The following MVD variants were observed in gnomAD, a reference collection of about 807,000 sequenced individuals.
MVD encodes the protein mevalonate diphosphate decarboxylase, also known as diphosphomevalonate decarboxylase.
A neutral mutation model predicts 42.4 loss-of-function variants in MVD; 52 were observed. The ratio of observed to expected loss-of-function variants is 1.23; its 90% CI spans 0.98 to 1.55. The LOEUF (loss-of-function observed/expected upper bound fraction) is 1.55. Among genes scored for constraint, MVD ranks in the 40% most tolerant of loss-of-function variants. The pLI is 0.00. For missense variants in MVD, 663 were observed against 572.1 expected (o/e 1.16, Z -1.62); for synonymous variants, 287 against 243.2 (o/e 1.18, Z -1.68).
chr16:88,661,287 G>A lies in MVD; in HGVS notation c.70+1724C>T, dbSNP rs537146301. Among the ~76,000 whole-genome samples the A allele has an allele frequency of 9.9e-5, 15 of 152,272 alleles. No individual in the cohort carries two copies. In the South Asian group the frequency reaches 2.7e-3, roughly 27 times the overall value. The stretch of plus-strand genomic sequence containing the variant: ...TTGATACACTGAACTTCTTTAAAAT[G>A]AAAAACTGGCTCTTTGTTAAGAGGA... On this transcript the variant is annotated intron_variant, in intron 1 of 9. Coordinates refer to ENST00000301012, the MANE Select transcript of MVD (RefSeq NM_002461.3).
intron 1 of MVD, 84 bp from the exon 2 acceptor site, chr16:88,658,804 C>A (rs2142907133): frequency 4.2e-6 from 4 of 951,186 alleles, no homozygotes; most frequent in Non-Finnish European, 6.0e-6. Context: ...CCACCCCCCA[C>A]CCACGGCCCC....
intron 4 of MVD, chr16:88,657,223 G>A (rs1567616010): frequency 1.3e-6 from 1 of 756,908 alleles, no homozygotes; most frequent in South Asian, 1.5e-5. Flanking sequence ...TGGGATTACA[G>A]GCGAGAGCCC....
chr16:88,657,721 A>T (rs910165702), intron 3 of MVD, 139 bp from the exon 4 acceptor site: 2 of 1,367,438 alleles, frequency 1.5e-6, no homozygotes, highest in Non-Finnish European at 2.0e-6. Context: ...TACCCGGGAA[A>T]ACCCCAGACT....
At position 88,655,658 on chromosome 16, in the gene MVD, G is replaced by C. The variant is rs769646021; in HGVS notation, c.676C>G (p.Arg226Gly). ...GGACCACCCGCTCCTGGCCTTACCC[G>C]AAGCAGGGGGCTGGTCTCCACACTG... ...RASVETSPLL[R>G]FRAESVVPAR... Residue 226 changes from arginine to glycine, a missense_variant and splice_region_variant, in exon 6 of 10, where the codon CGG becomes GGG. Arg to Gly is a moderately radical substitution (Grantham distance 125). Transcript: ENST00000301012. 1.9e-6 allele frequency: 3 copies of C among 1,553,000 alleles called. No homozygotes were observed. The highest frequency in any genetic ancestry group is 3.9e-5 in the Admixed American group (2 of 51,800).
intron 1 of MVD, among the ~76,000 whole-genome samples, chr16:88,660,016 C>T (rs1908191759): frequency 6.6e-6 from 1 of 151,864 alleles, no homozygotes; most frequent in Non-Finnish European, 1.5e-5. Flanking sequence ...AAACAGATCC[C>T]TCCCACACTC....
intron 1 of MVD, 179 bp downstream of exon 1, chr16:88,662,832 C>G (rs1195736267): frequency 1.2e-5 from 17 of 1,443,192 alleles, no homozygotes; most frequent in Non-Finnish European, 1.2e-5. Flanking sequence ...GAGCTTGTCA[C>G]GCGAAGGAGC....
intron 7 of MVD, 107 bp from the exon 8 acceptor site, chr16:88,654,914 G>T: frequency 1.8e-6 from 2 of 1,091,910 alleles, no homozygotes; most frequent in Non-Finnish European, 2.6e-6. Flanking sequence ...GCTCAGTCTA[G>T]GCCCTCAGGG....
intron 8 of MVD, 59 bp from the exon 9 acceptor site, chr16:88,653,467 G>A: frequency 7.1e-7 from 1 of 1,412,312 alleles, no homozygotes; most frequent in Non-Finnish European, 9.6e-7. Flanking sequence ...GTCTACAACA[G>A]TCTACAACAG....
chr16:88,659,186 C>T (rs186539569), intron 1 of MVD: 227 of 188,216 alleles, frequency 1.2e-3, no homozygotes, highest in Admixed American at 3.1e-3. Flanking sequence ...CGAAAGGAAA[C>T]GTTTGCCCTG....
rs141450781 is a variant in MVD, at chr16:88,654,788, G to C, written c.917C>G (p.Ala306Gly). 6.3e-7 allele frequency: 1 copy of C among 1,581,200 alleles called. No homozygotes were observed. Among genetic ancestry groups the C allele is most frequent in the South Asian group, 1.2e-5 (1 of 86,670 alleles). The change falls in exon 8 of 10, where the codon GCG (alanine) becomes GGG (glycine). Residue 306 changes from alanine (A) to glycine (G), a missense_variant. Physicochemically the swap from Ala to Gly is moderately conservative, Grantham distance 60 (BLOSUM62 0). Transcript: ENST00000301012. ...GDTKVAYTFD[A>G]GPNAVIFTLD... ...GGTGAAGATCACGGCATTGGGGCCC[G>C]CGTCAAAGGTGTACGCCACCTGGAA...
chr16:88,662,958 T>A, intron 1 of MVD, 53 bp downstream of exon 1: 1 of 1,564,430 alleles, frequency 6.4e-7, no homozygotes, highest in Non-Finnish European at 8.7e-7. Context: ...GACCCCCGCG[T>A]ACCCGGCCTC....
At position 88,657,602 on chromosome 16, in the gene MVD, G is replaced by C; in HGVS notation, c.257-20C>G. On this transcript the variant is annotated intron_variant, in intron 3 of 9. Transcript: ENST00000301012. ...AGCGGACTGCAGAGACAATGAGACAGCGTGTGGCCCAGCCGTCAGCACCCT... is the reference window on the plus strand; with the variant it reads ...AGCGGACTGCAGAGACAATGAGACACCGTGTGGCCCAGCCGTCAGCACCCT... 1 of 1,607,220 alleles carries C rather than the reference G, an allele frequency of 6.2e-7. No individual in the cohort carries two copies. The highest frequency in any genetic ancestry group is 1.1e-5 in the South Asian group (1 of 90,870).
At position 88,663,086 on chromosome 16, in the gene MVD, C is replaced by T. The variant is rs201679211; in HGVS notation, c.-6G>A. Reference sequence around the variant, plus strand: ...AGCGGCTTCTCCGAGGCCATGGTCCCACCGCGCAGTGACCCCAGCTCCACA... The same window carrying T: ...AGCGGCTTCTCCGAGGCCATGGTCCTACCGCGCAGTGACCCCAGCTCCACA... On this transcript the variant is annotated 5_prime_UTR_variant, in exon 1 of 10. Transcript: ENST00000301012. 6.0e-5 allele frequency: 97 copies of T among 1,608,664 alleles called. No homozygotes were observed. The African/African-American group carries it at 1.1e-3, about 18-fold the overall frequency.
At chr16:88,656,554 A>G in intron 4 of MVD, 1 of 578,174 alleles carries the variant, frequency 1.7e-6, no homozygotes, top group Non-Finnish European at 3.1e-6. Context: ...AAGGGCAACA[A>G]AAGGTACCTG....
chr16:88,655,379 C>T lies in MVD; in HGVS notation c.717G>A (p.Glu239=), dbSNP rs1390719836. Residue 239 remains glutamate (E), a synonymous_variant, in exon 7 of 10, where the codon GAG becomes GAA. Coordinates refer to ENST00000301012, the MANE Select transcript of MVD (RefSeq NM_002461.3). ...CTCGCTCCCGGATGCAGCGGGCCAT[C>T]TCCGCCATGCGCGCGGGCACCACGG... The part of the protein sequence containing the change: ...AESVVPARMA[E]MARCIRERDF... The T allele has an allele frequency of 6.3e-7, 1 of 1,595,594 alleles. No homozygotes were observed. The highest frequency in any genetic ancestry group is 8.5e-7 in the Non-Finnish European group (1 of 1,172,662).
rs1160610301 is a variant in MVD, at chr16:88,656,824, C to T, written c.404-520G>A. On this transcript the variant is annotated intron_variant, in intron 4 of 9. Coordinates refer to ENST00000301012, the MANE Select transcript of MVD (RefSeq NM_002461.3). ...GTCACCGAGGGTGGTTCAGGGAAGG[C>T]GCAGGAGCCCAGGTGGGCCAGGAAG... 2.4e-5 allele frequency: 6 copies of T among 254,552 alleles called. No individual in the cohort carries two copies. The East Asian group carries it at 3.2e-4, about 14-fold the overall frequency. The allele number at this position is 254,552 out of a possible 1,614,324, so 15.8% of individuals were successfully genotyped here. A position where few individuals can be genotyped will look rare whatever the true frequency, so the allele number is the denominator to read the frequency against.
At chr16:88,658,749 T>C in intron 1 of MVD, 29 bp from the exon 2 acceptor site, 1 of 1,583,470 alleles carries the variant, frequency 6.3e-7, no homozygotes, top group Non-Finnish European at 8.6e-7. Context: ...GCCAGGCCGG[T>C]GGGCTTCCCG....
chr16:88,663,000 G>A lies in MVD; in HGVS notation c.70+11C>T. ...GGCCATCCCCGTCCCAGGCCGGCCC[G>A]CGGCACTCACAGTACTTGATGACCG... On this transcript the variant is annotated intron_variant, in intron 1 of 9. Coordinates refer to ENST00000301012, the MANE Select transcript of MVD (RefSeq NM_002461.3). 1 of 1,595,798 alleles carries A rather than the reference G, an allele frequency of 6.3e-7. No homozygotes were observed.
rs565940852 is a variant in MVD, at chr16:88,659,768, C to T, written c.71-1048G>A. On this transcript the variant is annotated intron_variant, in intron 1 of 9. Transcript: ENST00000301012. The stretch of plus-strand genomic sequence containing the variant: ...ATCACCTGAGGTCGGGAGTTTGAGA[C>T]CAACCTGACCAATATGGTGAAACCC... Among the ~76,000 whole-genome samples, 34 of 152,160 alleles carry T rather than the reference C, an allele frequency of 2.2e-4. 1 individual carries two copies. The highest frequency in any genetic ancestry group is 6.3e-4 in the African/African-American group (26 of 41,500).
Sources: allele counts gnomAD v4.1 joint callset (sites outside exome capture counted in the v4.1 genomes callset), GRCh38; gene constraint gnomAD v4.1.1; transcripts MANE v1.5; gene names NCBI Gene and HGNC (gene_info 2026-07-23, HGNC 2026-07-21).